Variants in KIF12 observed in about 807,000 individuals in gnomAD.
KIF12 encodes kinesin-like protein KIF12.
In KIF12, 80 loss-of-function variants were observed where a neutral mutation model predicts 87.9. That is an observed-to-expected ratio of 0.91 (90% CI 0.76 to 1.10). The LOEUF is 1.10. Ranked by LOEUF, KIF12 falls within the 50% of genes least tolerant of loss-of-function variation. The probability of loss-of-function intolerance (pLI) is 0.00; values close to 1 mark genes in which losing one functional copy is unlikely to be tolerated. For synonymous variants in KIF12, 353 were observed against 348.5 expected, an observed-to-expected ratio of 1.01 and a Z score of -0.14; for missense variants, 819 against 865.3, an observed-to-expected ratio of 0.95 and a Z score of 0.67.
rs763582505 is a variant in KIF12 at position 114,092,403 on chromosome 9, C to T, written c.1746G>A (p.Thr582=). 5.5e-5 allele frequency: 89 copies of T among 1,613,000 alleles called. No individual in the cohort carries two copies. The highest frequency in any genetic ancestry group is 7.4e-5 in the Non-Finnish European group (87 of 1,179,668). The part of the protein sequence containing the change: ...TQTRVLAEML[T]EEEVVPSAPP... ...GTGCAGAAGGTACCACCTCCTCCTC[C>T]GTCAACATCTCTGCCAGGACTCGGG... Residue 582 remains threonine, a synonymous_variant, in exon 18 of 19, where the codon ACG becomes ACA. Coordinates refer to ENST00000640217, the MANE Select transcript of KIF12 (RefSeq NM_001388308.1).
At chr9:114,096,548 G>T in intron 7 of KIF12, 70 bp from the exon 8 acceptor site, 1 of 1,314,986 alleles carries the variant, frequency 7.6e-7, no homozygotes, top group Non-Finnish European at 1.1e-6. Context: ...AGAAAAAGGA[G>T]CAAAGGAATC....
chr9:114,092,908 G>C (rs1206613777), intron 16 of KIF12: 8 of 1,431,164 alleles, frequency 5.6e-6, no homozygotes, highest in Non-Finnish European at 7.3e-6. Flanking sequence ...AGAGAGGCTG[G>C]TATAAAGCAA....
Position 114,098,436 on chromosome 9 carries a change from C to A in KIF12, c.172-7G>T. 7.9e-7 allele frequency: 1 copy of A among 1,269,764 alleles called. No individual in the cohort carries two copies. The highest frequency in any genetic ancestry group is 1.4e-5 in the South Asian group (1 of 70,242). 78.7% of individuals were successfully genotyped at this position (1,269,764 alleles called of 1,614,324 possible). A position where few individuals can be genotyped will look rare whatever the true frequency, so the allele number is the denominator to read the frequency against. On this transcript the variant is annotated splice_region_variant and splice_polypyrimidine_tract_variant and intron_variant, in intron 3 of 18. Transcript: ENST00000640217. ...CCCCGCCTGGAGGACTCACCTGGCG[C>A]GGGTGGGGCGGAGGAGCGGGGCACT...
chr9:114,094,878 A>G (rs919901086), intron 11 of KIF12, 145 bp downstream of exon 11: 7 of 735,358 alleles, frequency 9.5e-6, no homozygotes, highest in African/African-American at 1.8e-5. Flanking sequence ...ATCCTATACA[A>G]CCATGATACC....
chr9:114,096,186 CCA>C lies in KIF12; in HGVS notation c.758_759del (p.Val253GlyfsTer20). 1 of 1,613,938 alleles carries C rather than the reference CCA, an allele frequency of 6.2e-7. No homozygotes were observed. The highest frequency in any genetic ancestry group is 8.5e-7 in the Non-Finnish European group (1 of 1,179,998). On this transcript the variant is annotated frameshift_variant, in exon 9 of 19. Transcript: ENST00000640217. LOFTEE classifies it high-confidence loss of function. ...SRQTAQQMPS[V>X]DPGEPPVGGK... ...CCACCAACAGGGGGCTCCCCAGGGT[CCA>C]CAGAAGGCATCTGCTGGGCCTGAGG...
chr9:114,093,951 C>G lies in KIF12; in HGVS notation c.1335G>C (p.Gln445His). The G allele has an allele frequency of 6.2e-7, 1 of 1,614,090 alleles. No individual in the cohort carries two copies. The highest frequency in any genetic ancestry group is 1.1e-5 in the South Asian group (1 of 91,074). ...ERLRKEKSQL[Q>H]NSRDLAQNEQ... Reference sequence around the variant, plus strand: ...CATTCTGGGCCAGGTCTCGGCTATTCTGCAGCTGGCTCTTTTCTTTCCTAG... The same window carrying G: ...CATTCTGGGCCAGGTCTCGGCTATTGTGCAGCTGGCTCTTTTCTTTCCTAG... The change falls in exon 14 of 19, where the codon CAG becomes CAC. Residue 445 changes from glutamine to histidine, a missense_variant. Physicochemically the swap from Gln to His is conservative, Grantham distance 24. Transcript: ENST00000640217.
At chr9:114,095,997 G>T (rs571265320) in intron 9 of KIF12, 54 bp downstream of exon 9, 3 of 1,552,814 alleles carry the variant, frequency 1.9e-6, no homozygotes, top group South Asian at 1.2e-5. Flanking sequence ...GGAGAGCTGT[G>T]AGCCAGGCAC....
Position 114,096,116 on chromosome 9 carries a change from G to A in KIF12, c.830C>T (p.Ala277Val), listed in dbSNP as rs1847217856. Residue 277 changes from alanine to valine, a missense_variant, in exon 9 of 19, where the codon GCC becomes GTC. Ala to Val is a moderately conservative substitution (Grantham distance 64). Transcript: ENST00000640217. The stretch of plus-strand genomic sequence containing the variant: ...CATCAGCTCCCCACGGGATCCCGTG[G>A]CTGCTACCTTCTCACTGCCTGCCAG... The part of the protein sequence containing the change: ...VDLAGSEKVA[A>V]TGSRGELMLE... 1.2e-6 allele frequency: 2 copies of A among 1,613,748 alleles called. No homozygotes were observed. The highest frequency in any genetic ancestry group is 2.7e-5 in the African/African-American group (2 of 74,906).
In KIF12 at chr9:114,092,351, T is replaced by G; in HGVS notation, c.1798A>C (p.Thr600Pro). Residue 600 changes from threonine (T) to proline (P), a missense_variant, in exon 18 of 19, where the codon ACA becomes CCA. By Grantham distance (38) the Thr-to-Pro change is conservative (BLOSUM62 -1). Transcript: ENST00000640217. ...APPLPVRPPK[T>P]SPGLRGGAGV... is the part of the protein sequence containing the mutation. ...TCTTCACCTCTGAGCCCTGGTGATG[T>G]CTTCGGGGGCCTCACAGGCAGGGGA... The G allele has an allele frequency of 4.4e-6, 7 of 1,593,690 alleles. No homozygotes were observed. The highest frequency in any genetic ancestry group is 3.4e-6 in the Non-Finnish European group (4 of 1,171,524).
In KIF12 at chr9:114,096,482, G is replaced by C; in HGVS notation, c.647-4C>G. 2 of 1,605,774 alleles carry C rather than the reference G, an allele frequency of 1.2e-6. No individual in the cohort carries two copies. Among genetic ancestry groups the C allele is most frequent in the Non-Finnish European group, 1.7e-6 (2 of 1,175,838 alleles). On this transcript the variant is annotated splice_region_variant and splice_polypyrimidine_tract_variant and intron_variant, in intron 7 of 18. Coordinates refer to ENST00000640217, the MANE Select transcript of KIF12 (RefSeq NM_001388308.1). Reference sequence around the variant, plus strand: ...GAGTTCCTTCGACGGCTGAGACCTGGAAGGGAAAAACATCAGGAGCTGGAC... The same window carrying C: ...GAGTTCCTTCGACGGCTGAGACCTGCAAGGGAAAAACATCAGGAGCTGGAC...
chr9:114,092,176 TA>T, intron 18 of KIF12, 156 bp downstream of exon 18: 1 of 1,455,120 alleles, frequency 6.9e-7, no homozygotes. Flanking sequence ...CAGATGCTCC[TA>T]AAAAGAGAAT....
chr9:114,097,824 G>A, intron 5 of KIF12, 83 bp from the exon 6 acceptor site: 2 of 1,447,444 alleles, frequency 1.4e-6, no homozygotes, highest in South Asian at 1.3e-5. Flanking sequence ...CGTGCGCCGG[G>A]AAACGTGCCA....
In KIF12 at chr9:114,098,440, T is replaced by G. The variant is rs1588509507; in HGVS notation, c.172-11A>C. The G allele has an allele frequency of 1.6e-6, 2 of 1,273,454 alleles. No homozygotes were observed. Among genetic ancestry groups the G allele is most frequent in the Non-Finnish European group, 2.0e-6 (2 of 985,904 alleles). 78.9% of individuals were successfully genotyped at this position (1,273,454 alleles called of 1,614,324 possible). On this transcript the variant is annotated splice_polypyrimidine_tract_variant and intron_variant, in intron 3 of 18. Transcript: ENST00000640217. ...GCCTGGAGGACTCACCTGGCGCGGG[T>G]GGGGCGGAGGAGCGGGGCACTCTGG...
chr9:114,094,633 T>C (rs2134887802), intron 11 of KIF12, among the ~76,000 whole-genome samples, 178 bp from the exon 12 acceptor site: 1 of 152,324 alleles, frequency 6.6e-6, no homozygotes, highest in South Asian at 2.1e-4. Flanking sequence ...CTAAGTGCAC[T>C]GTCCTGGAGG....
In KIF12 at chr9:114,094,268, G is replaced by A. The variant is rs1464844454; in HGVS notation, c.1226C>T (p.Ser409Leu). 2 of 1,613,966 alleles carry A rather than the reference G, an allele frequency of 1.2e-6. No homozygotes were observed. Among genetic ancestry groups the A allele is most frequent in the Admixed American group, 3.3e-5 (2 of 60,016 alleles). ...GGCCACCCGGGCTCCACTGAGCCCT[G>A]AGGCTGCAGGGAAGCAGGAGGTGGT... ...FQLDQMDCKASGLSGARVAWA... is the reference protein window; with the variant it reads ...FQLDQMDCKALGLSGARVAWA... The change falls in exon 13 of 19, where the codon TCA (serine) becomes TTA (leucine). Residue 409 changes from serine to leucine, a missense_variant. By Grantham distance (145) the Ser-to-Leu change is moderately radical. Coordinates refer to ENST00000640217, the MANE Select transcript of KIF12 (RefSeq NM_001388308.1).
At position 114,097,707 on chromosome 9, in the gene KIF12, C is replaced by A; in HGVS notation, c.410G>T (p.Gly137Val). ...CCAGGCGAAGGTCCTCTGCATGATG[C>A]CAGCCAGGCTGGGGGGTACAGGCAC... Reference protein sequence around the residue: ...EGVPVPPSLAGIMQRTFAWLL... With the variant: ...EGVPVPPSLAVIMQRTFAWLL... Residue 137 changes from glycine to valine, a missense_variant, in exon 6 of 19, where the codon GGC becomes GTC. Coordinates refer to ENST00000640217, the MANE Select transcript of KIF12 (RefSeq NM_001388308.1). 6.2e-7 allele frequency: 1 copy of A among 1,614,100 alleles called. No individual in the cohort carries two copies. Among genetic ancestry groups the A allele is most frequent in the Non-Finnish European group, 8.5e-7 (1 of 1,180,006 alleles).
chr9:114,092,705 C>A, intron 16 of KIF12, 63 bp from the exon 17 acceptor site: 1 of 1,531,974 alleles, frequency 6.5e-7, no homozygotes. Flanking sequence ...GTCCCACCTA[C>A]CTGGTGCTAG....
chr9:114,095,070 A>G lies in KIF12; in HGVS notation c.1072T>C (p.Tyr358His), dbSNP rs779883886. 2.5e-6 allele frequency: 4 copies of G among 1,610,242 alleles called. No individual in the cohort carries two copies. The highest frequency in any genetic ancestry group is 3.4e-6 in the Non-Finnish European group (4 of 1,178,192). The change falls in exon 11 of 19, where the codon TAT becomes CAT. Residue 358 changes from tyrosine (Y) to histidine (H), a missense_variant. Coordinates refer to ENST00000640217, the MANE Select transcript of KIF12 (RefSeq NM_001388308.1). ...CLPETLSTLR[Y>H]ASRAQRVTTR... ...GTGACCCGCTGAGCTCGGCTTGCAT[A>G]TCGCAGGGTGCTGAGAGTCTCAGGA...
chr9:114,094,036 C>T, intron 13 of KIF12, 64 bp from the exon 14 acceptor site: 7 of 1,486,242 alleles, frequency 4.7e-6, no homozygotes, highest in Non-Finnish European at 6.6e-6. Context: ...TCAGTCAGCT[C>T]CTCCTCATTG....
Sources: allele counts gnomAD v4.1 joint callset (sites outside exome capture counted in the v4.1 genomes callset), GRCh38; gene constraint gnomAD v4.1.1; transcripts MANE v1.5; gene names NCBI Gene and HGNC (gene_info 2026-07-23, HGNC 2026-07-21).